Variants in PARP15 observed in about 807,000 individuals in gnomAD.
PARP15 encodes the protein poly(ADP-ribose) polymerase family member 15.
A neutral mutation model predicts 62.1 loss-of-function variants in PARP15; 50 were observed. That is an observed-to-expected ratio of 0.81 (90% CI 0.64 to 1.02). The LOEUF is 1.02. Ranked by LOEUF, PARP15 falls within the 50% of genes least tolerant of loss-of-function variation. The pLI, the probability that PARP15 is intolerant of heterozygous loss-of-function variation, is 0.00. For synonymous variants in PARP15, 309 were observed against 293.1 expected, an observed-to-expected ratio of 1.05 and a Z score of -0.55; for missense variants, 820 against 826.5, an observed-to-expected ratio of 0.99 and a Z score of 0.10.
At chr3:122,581,681 G>A (rs1207560044) in intron 1 of PARP15, among the ~76,000 whole-genome samples, 1 of 152,130 alleles carries the variant, frequency 6.6e-6, no homozygotes, top group African/African-American at 2.4e-5. Flanking sequence ...ATTTTCTCCT[G>A]TTCTGTAGGT....
intron 8 of PARP15, among the ~76,000 whole-genome samples, chr3:122,624,987 C>T (rs552390248): frequency 6.6e-6 from 1 of 152,160 alleles, no homozygotes; most frequent in Non-Finnish European, 1.5e-5. Flanking sequence ...GGTCCCAAAT[C>T]CTGCACAAAT....
chr3:122,634,522 G>T (rs1937242001), intron 10 of PARP15, among the ~76,000 whole-genome samples: 1 of 152,094 alleles, frequency 6.6e-6, no homozygotes, highest in Non-Finnish European at 1.5e-5. Flanking sequence ...CTATTCAGAG[G>T]TCTAGAAAAA....
chr3:122,621,620 C>A lies in PARP15; in HGVS notation c.1231+9C>A. 6.4e-7 allele frequency: 1 copy of A among 1,568,628 alleles called. No homozygotes were observed. Among genetic ancestry groups the A allele is most frequent in the South Asian group, 1.2e-5 (1 of 83,324 alleles). On this transcript the variant is annotated intron_variant, in intron 8 of 11. Transcript: ENST00000464300. ...TCCAGCCATTGGAACAGGTTTGCAG[C>A]TTATCATTCTATAATAAAATTTGAG...
Position 122,591,047 on chromosome 3 carries a change from C to T in PARP15, c.186+13194C>T, listed in dbSNP as rs1402095899. Among the ~76,000 whole-genome samples, 3 of 152,190 alleles carry T rather than the reference C, an allele frequency of 2.0e-5. No individual in the cohort carries two copies. In the East Asian group the frequency reaches 5.8e-4, roughly 29 times the overall value. On this transcript the variant is annotated intron_variant, in intron 1 of 11. Coordinates refer to ENST00000464300, the MANE Select transcript of PARP15 (RefSeq NM_001113523.3). The stretch of plus-strand genomic sequence containing the variant: ...TGTTTAACTTTATGCAATATTTTAG[C>T]CAATGAGTTACCATTTTCCTTGTTA...
At chr3:122,600,264 A>G (rs1934687152) in intron 1 of PARP15, among the ~76,000 whole-genome samples, 1 of 152,122 alleles carries the variant, frequency 6.6e-6, no homozygotes, top group Admixed American at 6.5e-5. Context: ...GGGAGAAAAA[A>G]GGCAAAAGAG....
chr3:122,577,872 G>C lies in PARP15; in HGVS notation c.186+19G>C. On this transcript the variant is annotated intron_variant, in intron 1 of 11. Coordinates refer to ENST00000464300, the MANE Select transcript of PARP15 (RefSeq NM_001113523.3). ...GAGTATGGTGAGGAGCGCGGGGGAC[G>C]GGTGCGGGAAGGGGACAGCAGGGCT... is the stretch of plus-strand genomic sequence containing the variant. 1.3e-6 allele frequency: 2 copies of C among 1,530,602 alleles called. No individual in the cohort carries two copies. The highest frequency in any genetic ancestry group is 1.2e-5 in the South Asian group (1 of 80,768). 94.8% of individuals were successfully genotyped at this position (1,530,602 alleles called of 1,614,324 possible).
At chr3:122,580,071 C>G (rs2080773129) in intron 1 of PARP15, among the ~76,000 whole-genome samples, 1 of 141,654 alleles carries the variant, frequency 7.1e-6, no homozygotes, top group South Asian at 2.3e-4. Flanking sequence ...AGACATTTGT[C>G]TTATGGACAC....
intron 1 of PARP15, among the ~76,000 whole-genome samples, chr3:122,587,104 G>T (rs34947083): frequency 0.34 from 46,767 of 139,174 alleles, 7,559 homozygotes; most frequent in Admixed American, 0.44. Flanking sequence ...CTCTGTGTTT[G>T]TGTGTGTGTG....
intron 8 of PARP15, among the ~76,000 whole-genome samples, chr3:122,625,225 T>TTTG (rs1338304940): frequency 2.7e-5 from 4 of 145,570 alleles, no homozygotes; most frequent in African/African-American, 5.1e-5. Flanking sequence ...TAGGGTTTTG[T>TTTG]TTGTTGTTGT....
chr3:122,635,974 C>T lies in PARP15; in HGVS notation c.1911C>T (p.Pro637=). Residue 637 remains proline (P), a synonymous_variant, in exon 12 of 12, where the codon CCC becomes CCT. Coordinates refer to ENST00000464300, the MANE Select transcript of PARP15 (RefSeq NM_001113523.3). ...GTGCAGGATTAGTCACCCCTCCACC[C>T]AAGAATCCTCACAATCCCACAGATC... ...KGRAGLVTPP[P]KNPHNPTDLF... is the part of the protein sequence containing the mutation. The T allele has an allele frequency of 6.2e-7, 1 of 1,614,082 alleles. No homozygotes were observed. Among genetic ancestry groups the T allele is most frequent in the South Asian group, 1.1e-5 (1 of 91,066 alleles).
At chr3:122,601,779 T>C (rs1344778177) in intron 1 of PARP15, among the ~76,000 whole-genome samples, 2 of 152,230 alleles carry the variant, frequency 1.3e-5, no homozygotes, top group African/African-American at 2.4e-5. Context: ...TTCAATTTAT[T>C]TGGGTAAATA....
At chr3:122,608,032 C>T (rs1053731831) in intron 2 of PARP15, among the ~76,000 whole-genome samples, 2 of 152,006 alleles carry the variant, frequency 1.3e-5, no homozygotes, top group South Asian at 2.1e-4. Flanking sequence ...CACACATCTT[C>T]GGTGTCTTCC....
chr3:122,615,988 G>T, intron 5 of PARP15, 131 bp downstream of exon 5: 3 of 841,484 alleles, frequency 3.6e-6, no homozygotes, highest in Non-Finnish European at 5.7e-6. Context: ...GGAGGTGTTA[G>T]AGCATGTCCC....
chr3:122,619,934 T>G, intron 7 of PARP15, 91 bp downstream of exon 7: 2 of 1,242,652 alleles, frequency 1.6e-6, no homozygotes, highest in Non-Finnish European at 2.4e-6. Flanking sequence ...GGAGGTGGAG[T>G]AAGTAGCGAG....
At chr3:122,630,337 A>G (rs1238043885) in intron 9 of PARP15, among the ~76,000 whole-genome samples, 3 of 152,134 alleles carry the variant, frequency 2.0e-5, no homozygotes, top group Admixed American at 6.6e-5. Flanking sequence ...GTGTGATTTA[A>G]ATGTCTTTCC....
chr3:122,636,245 A>G lies in PARP15; in HGVS notation c.*145A>G, dbSNP rs113058777. The G allele has an allele frequency of 0.013, 9,486 of 756,676 alleles. 73 individuals carry two copies. The highest frequency in any genetic ancestry group is 0.018 in the Middle Eastern group (48 of 2,614). 46.9% of individuals were successfully genotyped at this position (756,676 alleles called of 1,614,324 possible). A position where few individuals can be genotyped will look rare whatever the true frequency, so the allele number is the denominator to read the frequency against. On this transcript the variant is annotated 3_prime_UTR_variant, in exon 12 of 12. Coordinates refer to ENST00000464300, the MANE Select transcript of PARP15 (RefSeq NM_001113523.3). ...GAAAATTACCTTTTTAAAGTGCTCT[A>G]TTGCTGCGATTTGTAGCATACCTTT...
rs1014381391 is a variant in PARP15, at chr3:122,577,739, C to T, written c.72C>T (p.His24=). ...CTCCGACCCCCAGAGAACTTATGCA[C>T]GGAGTTGCAGGTGTTACTTCCAGAG... ...PGAPTPRELM[H]GVAGVTSRAG... Residue 24 remains histidine (H), a synonymous_variant, in exon 1 of 12, where the codon CAC becomes CAT. Transcript: ENST00000464300. 1.1e-5 allele frequency: 17 copies of T among 1,551,580 alleles called. No individual in the cohort carries two copies. Among genetic ancestry groups the T allele is most frequent in the Admixed American group, 2.0e-5 (1 of 50,990 alleles).
At chr3:122,581,542 T>C (rs1483900551) in intron 1 of PARP15, among the ~76,000 whole-genome samples, 1 of 152,220 alleles carries the variant, frequency 6.6e-6, no homozygotes, top group Admixed American at 6.5e-5. Flanking sequence ...CATTTGTATA[T>C]CTTCTTCAGA....
At chr3:122,625,250 TG>T (rs1322509700) in intron 8 of PARP15, among the ~76,000 whole-genome samples, 1 of 151,994 alleles carries the variant, frequency 6.6e-6, no homozygotes, top group Non-Finnish European at 1.5e-5. Flanking sequence ...GTTCTTTGTT[TG>T]TTTTTTTGTT....
Sources: gnomAD v4.1 joint callset for allele counts (sites outside exome capture counted in the v4.1 genomes callset) on GRCh38, gnomAD v4.1.1 for gene constraint, MANE v1.5 for transcripts, NCBI Gene and HGNC (gene_info 2026-07-23, HGNC 2026-07-21) for gene names.